Variants in IGF2BP1 observed in about 807,000 individuals in gnomAD.
IGF2BP1 encodes insulin-like growth factor 2 mRNA-binding protein 1.
Under a neutral mutation model 74.9 loss-of-function variants are expected in IGF2BP1, and 11 were observed. That is an observed-to-expected ratio of 0.15 (90% confidence interval 0.09 to 0.24). The LOEUF is 0.24. Among genes scored for constraint, IGF2BP1 ranks in the 10% least tolerant of loss-of-function variants. The pLI, the probability that IGF2BP1 is intolerant of heterozygous loss-of-function variation, is 1.00. For synonymous variants in IGF2BP1, 287 were observed against 281.8 expected (o/e 1.02, Z -0.18); for missense variants, 440 against 757.4 (o/e 0.58, Z 4.92).
intron 13 of IGF2BP1, 60 bp downstream of exon 13, chr17:49,046,081 C>T (rs1161840562): frequency 6.9e-6 from 11 of 1,589,188 alleles, no homozygotes; most frequent in South Asian, 1.1e-5. Context: ...CAGCAGCTCT[C>T]TCTGGTCTCC....
intron 5 of IGF2BP1, among the ~76,000 whole-genome samples, chr17:49,035,151 GTTTTTA>G (rs1383516983): frequency 1.3e-5 from 2 of 152,172 alleles, no homozygotes; most frequent in African/African-American, 4.8e-5. Flanking sequence ...GCTGGTTTTT[GTTTTTA>G]TTTTCACACA....
At chr17:49,019,907 TATA>T (rs1567815611) in intron 2 of IGF2BP1, among the ~76,000 whole-genome samples, 172 of 16,530 alleles carry the variant, frequency 0.01, 3 homozygotes, top group African/African-American at 0.068. Context: ...GGCTAATTTA[TATA>T]TATATATATA....
In IGF2BP1 at chr17:49,010,313, CT is replaced by C. The variant is rs397857828; in HGVS notation, c.236+11167del. 4.2e-3 allele frequency among the ~76,000 whole-genome samples: 445 copies of C among 105,610 alleles called. 2 individuals carry two copies. Among genetic ancestry groups the C allele is most frequent in the African/African-American group, 9.5e-3 (253 of 26,562 alleles). The allele number at this position is 105,610 out of a possible 152,430, so 69.3% of individuals were successfully genotyped here. ...TTACTTTTTCCCACATGGTGGTCAT[CT>C]TTTTTTTTTTTTTTTTTTTTTTGAG... On this transcript the variant is annotated intron_variant, in intron 2 of 14. Coordinates refer to ENST00000290341, the MANE Select transcript of IGF2BP1 (RefSeq NM_006546.4).
intron 2 of IGF2BP1, among the ~76,000 whole-genome samples, chr17:49,022,889 C>T (rs2041809768): frequency 6.6e-6 from 1 of 152,230 alleles, no homozygotes; most frequent in South Asian, 2.1e-4. Flanking sequence ...GGTTTGAACT[C>T]CCAGGTAAGC....
intron 4 of IGF2BP1, among the ~76,000 whole-genome samples, chr17:49,029,971 C>T (rs1232320729): frequency 1.3e-5 from 2 of 151,926 alleles, no homozygotes; most frequent in African/African-American, 4.8e-5. Flanking sequence ...GTCAGCTTGC[C>T]AAACCATTTT....
chr17:49,032,757 A>C (rs966902476), intron 5 of IGF2BP1, among the ~76,000 whole-genome samples: 4 of 152,068 alleles, frequency 2.6e-5, no homozygotes, highest in African/African-American at 9.7e-5. Context: ...CCTTGTGGCC[A>C]CTAGGGTTTG....
At chr17:49,003,157 AT>A (rs1269686867) in intron 2 of IGF2BP1, among the ~76,000 whole-genome samples, 1 of 152,200 alleles carries the variant, frequency 6.6e-6, no homozygotes, top group African/African-American at 2.4e-5. Flanking sequence ...AAACATAATT[AT>A]GTTTCAGAGA....
intron 4 of IGF2BP1, among the ~76,000 whole-genome samples, chr17:49,030,493 A>G (rs909399877): frequency 6.6e-6 from 1 of 152,204 alleles, no homozygotes; most frequent in Non-Finnish European, 1.5e-5. Flanking sequence ...TTGAGGATAC[A>G]TAGGCCTCTA....
chr17:49,010,187 C>T (rs2041599497), intron 2 of IGF2BP1, among the ~76,000 whole-genome samples: 1 of 152,164 alleles, frequency 6.6e-6, no homozygotes, highest in African/African-American at 2.4e-5. Context: ...ACTCTGTAGC[C>T]ATTAAATAAT....
In IGF2BP1 at chr17:49,054,258, G is replaced by T. The variant is rs2042200468; in HGVS notation, c.*4814G>T. 6.6e-6 allele frequency: 1 copy of T among 152,490 alleles called. No individual in the cohort carries two copies. The highest frequency in any genetic ancestry group is 6.5e-5 in the Admixed American group (1 of 15,290). 9.4% of individuals were successfully genotyped at this position (152,490 alleles called of 1,614,324 possible). The stretch of plus-strand genomic sequence containing the variant: ...GCCTTAGTATGGTTGACTCCGGATG[G>T]ACAAAAGAAAAAAAATTTTTTTTCT... On this transcript the variant is annotated 3_prime_UTR_variant, in exon 15 of 15. Coordinates refer to ENST00000290341, the MANE Select transcript of IGF2BP1 (RefSeq NM_006546.4).
chr17:49,024,468 G>C (rs1446434516), intron 2 of IGF2BP1, among the ~76,000 whole-genome samples: 1 of 152,112 alleles, frequency 6.6e-6, no homozygotes, highest in Non-Finnish European at 1.5e-5. Flanking sequence ...TAGTTACTGG[G>C]AGAGGGGAAG....
intron 2 of IGF2BP1, among the ~76,000 whole-genome samples, chr17:49,014,310 C>G (rs980287235): frequency 1.4e-5 from 2 of 144,282 alleles, no homozygotes; most frequent in African/African-American, 5.1e-5. Context: ...CTCTGTCTCC[C>G]CCTCAGTCTC....
chr17:48,997,895 G>A lies in IGF2BP1; in HGVS notation c.150G>A (p.Ala50=). The A allele has an allele frequency of 6.2e-7, 1 of 1,613,842 alleles. No individual in the cohort carries two copies. The highest frequency in any genetic ancestry group is 8.5e-7 in the Non-Finnish European group (1 of 1,179,910). Residue 50 remains alanine, a synonymous_variant, in exon 1 of 15, where the codon GCG becomes GCA. Transcript: ENST00000290341. The surrounding 1 kb of genome is among the most constrained non-coding windows in gnomAD (Gnocchi z 4.8). ...AFVDCPDEHW[A]MKAIETFSGK... ...TGGACTGCCCGGACGAGCACTGGGC[G>A]ATGAAGGCCATCGAAACTTTCTCCG...
Position 49,055,843 on chromosome 17 carries a change from T to TG in IGF2BP1, c.*6399_*6400insG, listed in dbSNP as rs1263572528. Among the ~76,000 whole-genome samples the TG allele has an allele frequency of 7.9e-6, 1 of 126,526 alleles. No homozygotes were observed. The highest frequency in any genetic ancestry group is 7.3e-5 in the Admixed American group (1 of 13,652). 83.0% of individuals were successfully genotyped at this position (126,526 alleles called of 152,430 possible). A position where few individuals can be genotyped will look rare whatever the true frequency, so the allele number is the denominator to read the frequency against. ...GGCCTACTGCTTGGGACAGTTTTTT[T>TG]TTTTTTTTTTTTTTTAAATATGAGT... On this transcript the variant is annotated 3_prime_UTR_variant, in exon 15 of 15. Coordinates refer to ENST00000290341, the MANE Select transcript of IGF2BP1 (RefSeq NM_006546.4).
chr17:49,053,370 G>C lies in IGF2BP1; in HGVS notation c.*3926G>C, dbSNP rs910487537. The C allele has an allele frequency of 6.5e-6, 1 of 152,738 alleles. No homozygotes were observed. The highest frequency in any genetic ancestry group is 1.5e-5 in the Non-Finnish European group (1 of 68,130). 9.5% of individuals were successfully genotyped at this position (152,738 alleles called of 1,614,324 possible). ...CATACCTGGCTGTCTGAGGAGGAAGGCCTCCTGGAAACTGGGAGCTAAGGG... is the reference window on the plus strand; with the variant it reads ...CATACCTGGCTGTCTGAGGAGGAAGCCCTCCTGGAAACTGGGAGCTAAGGG... On this transcript the variant is annotated 3_prime_UTR_variant, in exon 15 of 15. Transcript: ENST00000290341.
intron 4 of IGF2BP1, among the ~76,000 whole-genome samples, chr17:49,029,688 G>C (rs1300153391): frequency 6.6e-6 from 1 of 151,994 alleles, no homozygotes; most frequent in Admixed American, 6.6e-5. Context: ...AATGCAGTGT[G>C]ATCATAGCTC....
rs1324817917 is a variant in IGF2BP1 at position 49,031,986 on chromosome 17, G to T, written c.401+13G>T. ...AGCAGACCAGGCAGTGAGTGGGCTG[G>T]GAAGTGGGGCTGGGTGCGGTGGGGG... On this transcript the variant is annotated intron_variant, in intron 5 of 14. Transcript: ENST00000290341. 1 of 1,607,066 alleles carries T rather than the reference G, an allele frequency of 6.2e-7. No homozygotes were observed. The highest frequency in any genetic ancestry group is 1.7e-5 in the Admixed American group (1 of 59,794).
chr17:49,019,938 A>ATATATATATATATATT (rs1555597792), intron 2 of IGF2BP1, among the ~76,000 whole-genome samples: 47 of 57,346 alleles, frequency 8.2e-4, no homozygotes, highest in East Asian at 3.0e-3. Context: ...ATATATATAT[A>ATATATATATATATATT]TATATATATA....
intron 2 of IGF2BP1, among the ~76,000 whole-genome samples, chr17:49,003,709 G>A (rs982497497): frequency 1.3e-5 from 2 of 148,808 alleles, no homozygotes; most frequent in African/African-American, 2.5e-5. Context: ...GAGAAAAGGG[G>A]AGGAAAAAAG....
Sources: gnomAD v4.1 joint callset for allele counts (sites outside exome capture counted in the v4.1 genomes callset) on GRCh38, gnomAD v4.1.1 for gene constraint, Gnocchi (gnomAD v3.1) non-coding constraint, MANE v1.5 for transcripts, NCBI Gene and HGNC (gene_info 2026-07-23, HGNC 2026-07-21) for gene names.